DHRS12: variants seen among roughly 807,000 people sequenced by gnomAD.
DHRS12 encodes the protein dehydrogenase/reductase 12, also known as dehydrogenase/reductase SDR family member 12.
DHRS12 carries 29 observed loss-of-function variants against 32.1 expected under a neutral mutation model. The observed-to-expected ratio is 0.90, with a 90% CI of 0.67 to 1.23. The LOEUF (loss-of-function observed/expected upper bound fraction) is 1.23. DHRS12 is among the 50% of genes most tolerant of loss of function. DHRS12 has a pLI of 0.00. For synonymous variants in DHRS12, 150 were observed against 135.9 expected (o/e 1.10, Z -0.72); for missense variants, 330 against 337.2 (o/e 0.98, Z 0.17).
intron 4 of DHRS12, among the ~76,000 whole-genome samples, chr13:51,778,553 C>T (rs552987532): frequency 6.6e-6 from 1 of 152,160 alleles, no homozygotes; most frequent in Non-Finnish European, 1.5e-5. Context: ...CTGCCAAAAG[C>T]GATCTGCCGC....
chr13:51,756,527 C>G, the DHRS12 span: 257 of 1,544,222 alleles, frequency 1.7e-4, 1 homozygote, highest in Non-Finnish European at 2.2e-4. Flanking sequence ...GCCTTGCACT[C>G]AGCGCCGCAA....
intron 4 of DHRS12, among the ~76,000 whole-genome samples, chr13:51,779,717 A>T (rs773436352): frequency 3.9e-5 from 6 of 152,164 alleles, no homozygotes; most frequent in Non-Finnish European, 7.3e-5. Flanking sequence ...TGTCTCTGCC[A>T]TTGAGTTCTG....
chr13:51,801,452 T>C (rs1955750928), intron 1 of DHRS12, among the ~76,000 whole-genome samples: 2 of 152,208 alleles, frequency 1.3e-5, no homozygotes, highest in African/African-American at 4.8e-5. Flanking sequence ...CTTCCCAAAA[T>C]GCTGGGATTA....
At chr13:51,798,844 T>A (rs953256235) in intron 2 of DHRS12, among the ~76,000 whole-genome samples, 1 of 152,330 alleles carries the variant, frequency 6.6e-6, no homozygotes, top group African/African-American at 2.4e-5. Flanking sequence ...TGCAGCAAAC[T>A]TTTCTAGCCA....
At chr13:51,767,781 CGGGGGGG>C (rs71085096), downstream of DHRS12, 13 of 4,698 alleles carry the variant, frequency 2.8e-3, 3 homozygotes, top group East Asian at 0.017. Context: ...TCTCCTGGGG[CGGGGGGG>C]GGGGGGGGGT....
the DHRS12 span, chr13:51,761,706 T>G: frequency 6.6e-6 from 1 of 152,242 alleles, no homozygotes; most frequent in East Asian, 1.9e-4. Flanking sequence ...GTACTGCCCC[T>G]ACGTGTGTTT....
At position 51,768,237 on chromosome 13, in the gene DHRS12, C is replaced by T. The variant is rs951510805; in HGVS notation, c.757G>A (p.Glu253Lys). 8 of 1,535,986 alleles carry T rather than the reference C, an allele frequency of 5.2e-6. No individual in the cohort carries two copies. In the South Asian group the frequency reaches 5.9e-5, roughly 11 times the overall value. ...TCCAGGATTTCAATGAGTTTCTCCT[C>T]TTCGGCCGGTGAGGAGGACGCTGTA... ...LATASSSPAE[E>K]EKLIEILEQL... Residue 253 changes from glutamate (E) to lysine (K), a missense_variant, in exon 9 of 9, where the codon GAG (glutamate) becomes AAG (lysine). Glu to Lys is a moderately conservative substitution (Grantham distance 56). Transcript: ENST00000444610.
intron 7 of DHRS12, chr13:51,771,362 C>G: frequency 1.2e-6 from 2 of 1,613,184 alleles, no homozygotes; most frequent in Non-Finnish European, 1.7e-6. Context: ...TGCTCCAACA[C>G]GCTTCCAGAT....
intron 5 of DHRS12, among the ~76,000 whole-genome samples, chr13:51,776,687 G>T (rs1381360079): frequency 1.3e-5 from 2 of 152,162 alleles, no homozygotes; most frequent in Non-Finnish European, 2.9e-5. Context: ...CCCGCTGGGG[G>T]AGAACAGGCT....
Position 51,773,927 on chromosome 13 carries a change from G to C in DHRS12, c.468+3C>G. ...GCAGTCTCAGGAAACCCACCTCACT[G>C]ACCTTGTTTTGTGCATAGACCATAG... On this transcript the variant is annotated splice_donor_region_variant and intron_variant, in intron 6 of 8. Coordinates refer to ENST00000444610, the MANE Select transcript of DHRS12 (RefSeq NM_001377533.1). The C allele has an allele frequency of 6.2e-7, 1 of 1,613,594 alleles. No homozygotes were observed. Among genetic ancestry groups the C allele is most frequent in the Non-Finnish European group, 8.5e-7 (1 of 1,179,552 alleles).
intron 4 of DHRS12, among the ~76,000 whole-genome samples, chr13:51,786,777 G>C (rs545028141): frequency 6.6e-6 from 1 of 152,162 alleles, no homozygotes; most frequent in African/African-American, 2.4e-5. Context: ...TGAGGTTTAC[G>C]CTCTCCTCAG....
the DHRS12 span, among the ~76,000 whole-genome samples, chr13:51,755,900 C>A: frequency 6.6e-6 from 1 of 152,282 alleles, no homozygotes; most frequent in African/African-American, 2.4e-5. Context: ...CCAAGGAAAT[C>A]AAATGTTAGG....
At chr13:51,755,601 A>C in the DHRS12 span, 1 of 768,996 alleles carries the variant, frequency 1.3e-6, no homozygotes. Context: ...TTGCACAGTA[A>C]TTTACTCTGT....
chr13:51,770,901 T>C, intron 7 of DHRS12: 1 of 1,183,198 alleles, frequency 8.5e-7, no homozygotes. Flanking sequence ...ATTTATTAAC[T>C]TCATCTCCTA....
At chr13:51,781,063 G>A (rs1954681295) in intron 4 of DHRS12, among the ~76,000 whole-genome samples, 1 of 152,192 alleles carries the variant, frequency 6.6e-6, no homozygotes, top group African/African-American at 2.4e-5. Flanking sequence ...AATTTTAAAG[G>A]AGCAGACAGC....
intron 6 of DHRS12, chr13:51,772,536 A>C (rs1954079355): frequency 2.7e-6 from 2 of 750,538 alleles, no homozygotes; most frequent in Non-Finnish European, 3.2e-6. Context: ...AATCCCAGCT[A>C]CTCAGGAGGC....
rs1358386166 is a variant in DHRS12, at chr13:51,773,837, C to T, written c.468+93G>A. On this transcript the variant is annotated intron_variant, in intron 6 of 8. Transcript: ENST00000444610. ...AGGTGCTGCATGAACTACTAAGGTCCGATTAATGTGCATCCCAGAGTAAGC... is the reference window on the plus strand; with the variant it reads ...AGGTGCTGCATGAACTACTAAGGTCTGATTAATGTGCATCCCAGAGTAAGC... 1.2e-5 allele frequency: 13 copies of T among 1,067,936 alleles called. No individual in the cohort carries two copies. In the Admixed American group the frequency reaches 1.8e-4, roughly 15 times the overall value. 66.2% of individuals were successfully genotyped at this position (1,067,936 alleles called of 1,614,324 possible).
At chr13:51,770,257 G>A (rs1037198255) in intron 7 of DHRS12, among the ~76,000 whole-genome samples, 3 of 152,190 alleles carry the variant, frequency 2.0e-5, no homozygotes, top group East Asian at 1.9e-4. Flanking sequence ...GTGTCACTCC[G>A]CGGTGACACA....
At chr13:51,787,866 T>TAAATATATATAA (rs1555270963) in intron 4 of DHRS12, among the ~76,000 whole-genome samples, 1 of 120,484 alleles carries the variant, frequency 8.3e-6, no homozygotes, top group African/African-American at 3.2e-5. Flanking sequence ...ATATAATATA[T>TAAATATATATAA]AAATATATAA....
Sources: gnomAD v4.1 joint callset for allele counts (sites outside exome capture counted in the v4.1 genomes callset) on GRCh38, gnomAD v4.1.1 for gene constraint, MANE v1.5 for transcripts, NCBI Gene and HGNC (gene_info 2026-07-23, HGNC 2026-07-21) for gene names.